The following CSAD variants were observed in gnomAD, a reference collection of about 807,000 sequenced individuals.
CSAD encodes cysteine sulfinic acid decarboxylase.
Under a neutral mutation model 61.5 loss-of-function variants are expected in CSAD, and 47 were observed. That is an observed-to-expected ratio of 0.76 (90% CI 0.60 to 0.97). The LOEUF is 0.97. Among genes scored for constraint, CSAD ranks in the 50% least tolerant of loss-of-function variants. The pLI is 0.00. For synonymous variants in CSAD, 245 were observed against 252.7 expected, an observed-to-expected ratio of 0.97 and a Z score of 0.29; for missense variants, 611 against 643.6, an observed-to-expected ratio of 0.95 and a Z score of 0.55.
chr12:53,177,052 G>A (rs1255586363), intron 2 of CSAD, among the ~76,000 whole-genome samples: 1 of 151,994 alleles, frequency 6.6e-6, no homozygotes, highest in Non-Finnish European at 1.5e-5. Context: ...TTTTTATTGT[G>A]AATCAGATTA....
chr12:53,173,036 C>T (rs1167762197), intron 4 of CSAD, among the ~76,000 whole-genome samples: 8 of 151,992 alleles, frequency 5.3e-5, no homozygotes, highest in Non-Finnish European at 1.2e-4. Flanking sequence ...GGTGAAACCC[C>T]GTCTCTACTA....
intron 8 of CSAD, 150 bp downstream of exon 8, chr12:53,171,176 C>T (rs1940530619): frequency 2.5e-6 from 3 of 1,182,064 alleles, no homozygotes; most frequent in Non-Finnish European, 3.6e-6. Context: ...AGTTACTTGA[C>T]CTCCTTGATT....
chr12:53,158,220 C>A lies in CSAD; in HGVS notation c.*291G>T. 1 of 232,802 alleles carries A rather than the reference C, an allele frequency of 4.3e-6. No homozygotes were observed. Among genetic ancestry groups the A allele is most frequent in the Admixed American group, 5.2e-5 (1 of 19,218 alleles). 14.4% of individuals were successfully genotyped at this position (232,802 alleles called of 1,614,324 possible). A position where few individuals can be genotyped will look rare whatever the true frequency, so the allele number is the denominator to read the frequency against. On this transcript the variant is annotated 3_prime_UTR_variant, in exon 17 of 17. Coordinates refer to ENST00000444623, the MANE Select transcript of CSAD (RefSeq NM_001244705.2). Reference sequence around the variant, plus strand: ...GGGGTGCAATCTCGGCTCACTGCAACCTCTGCCCCCTGGGTTCAAGCAATT... The same window carrying A: ...GGGGTGCAATCTCGGCTCACTGCAAACTCTGCCCCCTGGGTTCAAGCAATT...
In CSAD at chr12:53,160,864, G is replaced by A; in HGVS notation, c.885-20C>T. On this transcript the variant is annotated intron_variant, in intron 12 of 16. Coordinates refer to ENST00000444623, the MANE Select transcript of CSAD (RefSeq NM_001244705.2). The stretch of plus-strand genomic sequence containing the variant: ...TCAGCCCTGGATGGGGTGGAGCAAA[G>A]GCAGGTCAGTGGCTCCTCCTCCAGC... 6.5e-7 allele frequency: 1 copy of A among 1,549,552 alleles called. No individual in the cohort carries two copies. Among genetic ancestry groups the A allele is most frequent in the Non-Finnish European group, 8.7e-7 (1 of 1,145,100 alleles).
chr12:53,167,494 G>A (rs1219037848), intron 10 of CSAD, among the ~76,000 whole-genome samples: 1 of 152,150 alleles, frequency 6.6e-6, no homozygotes, highest in African/African-American at 2.4e-5. Flanking sequence ...CACATATGCA[G>A]CATTTTTACA....
chr12:53,169,944 C>T, intron 10 of CSAD, 128 bp downstream of exon 10: 2 of 795,882 alleles, frequency 2.5e-6, no homozygotes, highest in South Asian at 3.1e-5. Flanking sequence ...TCTCCATGGT[C>T]ACTTCAGCCC....
intron 8 of CSAD, 128 bp from the exon 9 acceptor site, chr12:53,170,630 C>A: frequency 9.6e-6 from 7 of 729,212 alleles, no homozygotes; most frequent in South Asian, 7.7e-5. Flanking sequence ...AGCGTGCATA[C>A]GAATCGCCTG....
At chr12:53,181,201 C>T, upstream of CSAD, 2 of 985,428 alleles carry the variant, frequency 2.0e-6, no homozygotes, top group Non-Finnish European at 2.4e-6. Flanking sequence ...TGCCTGTCCT[C>T]CACCTCCGCA....
At chr12:53,174,825 G>A (rs1369717156) in intron 2 of CSAD, among the ~76,000 whole-genome samples, 1 of 152,044 alleles carries the variant, frequency 6.6e-6, no homozygotes, top group Non-Finnish European at 1.5e-5. Flanking sequence ...AATTAAGGGG[G>A]TACAAGAATT....
chr12:53,173,252 G>C (rs1592351417), intron 4 of CSAD, 93 bp downstream of exon 4: 4 of 1,129,460 alleles, frequency 3.5e-6, no homozygotes, highest in Middle Eastern at 2.0e-4. Flanking sequence ...AAGAAGGAAG[G>C]AAGGGGGGGG....
At chr12:53,170,157 G>A in intron 9 of CSAD, 31 bp from the exon 10 acceptor site, 1 of 1,603,610 alleles carries the variant, frequency 6.2e-7, no homozygotes, top group South Asian at 1.1e-5. Context: ...GGTAGAGCAG[G>A]GACAGGTTCT....
chr12:53,178,793 ATAAAAAT>A (rs1347400847), intron 2 of CSAD, among the ~76,000 whole-genome samples: 1 of 143,818 alleles, frequency 7.0e-6, no homozygotes, highest in African/African-American at 3.0e-5. Context: ...TCAAAAAAAA[ATAAAAAT>A]AAAAATAAAT....
In CSAD at chr12:53,173,927, C is replaced by T. The variant is rs2121515190; in HGVS notation, c.-49-157G>A. 4.4e-6 allele frequency: 3 copies of T among 682,560 alleles called. No individual in the cohort carries two copies. In the South Asian group the frequency reaches 5.5e-5, roughly 12 times the overall value. The allele number at this position is 682,560 out of a possible 1,614,324, so 42.3% of individuals were successfully genotyped here. Reference sequence around the variant, plus strand: ...AAAAAAACCTCAGTAGCAGTCATTTCCCATTCTCCCCTTCCCCGACCCCTG... The same window carrying T: ...AAAAAAACCTCAGTAGCAGTCATTTTCCATTCTCCCCTTCCCCGACCCCTG... On this transcript the variant is annotated intron_variant, in intron 2 of 16. Transcript: ENST00000444623.
intron 11 of CSAD, 21 bp downstream of exon 11, chr12:53,161,252 C>T (rs767416847): frequency 2.5e-6 from 4 of 1,613,890 alleles, no homozygotes; most frequent in Non-Finnish European, 3.4e-6. Context: ...CACCGCACCC[C>T]CAAGCCGAAG....
Position 53,160,856 on chromosome 12 carries a change from G to A in CSAD, c.885-12C>T, listed in dbSNP as rs1478156937. 2 of 1,551,282 alleles carry A rather than the reference G, an allele frequency of 1.3e-6. No homozygotes were observed. ...CCACAGAGTCAGCCCTGGATGGGGT[G>A]GAGCAAAGGCAGGTCAGTGGCTCCT... is the stretch of plus-strand genomic sequence containing the variant. On this transcript the variant is annotated splice_polypyrimidine_tract_variant and intron_variant, in intron 12 of 16. Transcript: ENST00000444623.
intron 13 of CSAD, 66 bp downstream of exon 13, chr12:53,160,697 G>C: frequency 7.5e-7 from 1 of 1,338,814 alleles, no homozygotes; most frequent in East Asian, 2.5e-5. Flanking sequence ...CTTTATCTAA[G>C]GTGGGATAGA....
chr12:53,171,716 T>C (rs1244516184), intron 7 of CSAD, 166 bp downstream of exon 7: 4 of 622,930 alleles, frequency 6.4e-6, no homozygotes, highest in Admixed American at 2.9e-5. Flanking sequence ...GTGACAAACA[T>C]GAGCATGAAG....
intron 4 of CSAD, among the ~76,000 whole-genome samples, chr12:53,173,077 A>G (rs373755953): frequency 1.1e-4 from 16 of 152,142 alleles, no homozygotes; most frequent in African/African-American, 2.9e-4. Flanking sequence ...GCGTGGTGGC[A>G]CATGCCTGTA....
chr12:53,172,398 C>G lies in CSAD; in HGVS notation c.292G>C (p.Asp98His). Reference protein sequence around the residue: ...RFFNQLFSGLDPHALAGRIIT... With the variant: ...RFFNQLFSGLHPHALAGRIIT... Reference sequence around the variant, plus strand: ...ATGCGCCCGGCCAGAGCATGGGGATCCAACCCAGAGAAGAGCTGGTTGAAG... The same window carrying G: ...ATGCGCCCGGCCAGAGCATGGGGATGCAACCCAGAGAAGAGCTGGTTGAAG... The change falls in exon 6 of 17, where the codon GAT becomes CAT. Residue 98 changes from aspartate to histidine, a missense_variant. By Grantham distance (81) the Asp-to-His change is moderately conservative (BLOSUM62 -1). Coordinates refer to ENST00000444623, the MANE Select transcript of CSAD (RefSeq NM_001244705.2). 1 of 1,614,096 alleles carries G rather than the reference C, an allele frequency of 6.2e-7. No homozygotes were observed. The highest frequency in any genetic ancestry group is 8.5e-7 in the Non-Finnish European group (1 of 1,180,012).
Sources: gnomAD v4.1 joint callset for allele counts (sites outside exome capture counted in the v4.1 genomes callset) on GRCh38, gnomAD v4.1.1 for gene constraint, MANE v1.5 for transcripts, NCBI Gene and HGNC (gene_info 2026-07-23, HGNC 2026-07-21) for gene names.